GPR158: variants seen among roughly 807,000 people sequenced by gnomAD.
GPR158 encodes metabotropic glycine receptor.
A neutral mutation model predicts 78.2 loss-of-function variants in GPR158; 30 were observed. The ratio of observed to expected loss-of-function variants is 0.38; its 90% CI spans 0.29 to 0.52. The LOEUF is 0.52. Among genes scored for constraint, GPR158 ranks in the 20% least tolerant of loss-of-function variants. GPR158 has a pLI of 0.83. For synonymous variants in GPR158, 581 were observed against 591.1 expected (o/e 0.98, Z 0.25); for missense variants, 1,463 against 1,523.5 (o/e 0.96, Z 0.66).
In GPR158 at chr10:25,478,698, G is replaced by A. The variant is rs192530314; in HGVS notation, c.1404+11979G>A. 2.0e-5 allele frequency among the ~76,000 whole-genome samples: 3 copies of A among 151,796 alleles called. No homozygotes were observed. In the East Asian group the frequency reaches 5.8e-4, roughly 29 times the overall value. On this transcript the variant is annotated intron_variant, in intron 5 of 10. Coordinates refer to ENST00000376351, the MANE Select transcript of GPR158 (RefSeq NM_020752.3). ...CTAGGGTACATGTGCACAGTGTGCAGGTTTGTTACGTATATATACATGTGC... is the reference window on the plus strand; with the variant it reads ...CTAGGGTACATGTGCACAGTGTGCAAGTTTGTTACGTATATATACATGTGC...
chr10:25,252,403 C>T (rs372581598), intron 2 of GPR158, among the ~76,000 whole-genome samples: 4 of 152,254 alleles, frequency 2.6e-5, no homozygotes, highest in East Asian at 3.9e-4. Context: ...ATTTTTAGAG[C>T]TTCCAGTTTT....
At chr10:25,556,768 C>T (rs1836791795) in intron 6 of GPR158, among the ~76,000 whole-genome samples, 1 of 152,166 alleles carries the variant, frequency 6.6e-6, no homozygotes. Flanking sequence ...CTCATACACC[C>T]ACGCTTCAGA....
At chr10:25,372,273 G>T (rs1190661560) in intron 2 of GPR158, among the ~76,000 whole-genome samples, 1 of 151,948 alleles carries the variant, frequency 6.6e-6, no homozygotes, top group East Asian at 1.9e-4. Flanking sequence ...CTATAAACTG[G>T]TTCAACCATT....
At chr10:25,530,693 G>A (rs746338223) in intron 5 of GPR158, among the ~76,000 whole-genome samples, 5 of 152,224 alleles carry the variant, frequency 3.3e-5, no homozygotes, top group Admixed American at 1.3e-4. Flanking sequence ...CAATCTTGAT[G>A]TGATAACACT....
chr10:25,555,545 T>C (rs1211850545), intron 6 of GPR158, among the ~76,000 whole-genome samples: 1 of 152,202 alleles, frequency 6.6e-6, no homozygotes, highest in Non-Finnish European at 1.5e-5. Flanking sequence ...CAATTTTCTT[T>C]TACAGAAACT....
At chr10:25,282,874 A>G (rs766104831) in intron 2 of GPR158, among the ~76,000 whole-genome samples, 5 of 151,962 alleles carry the variant, frequency 3.3e-5, no homozygotes, top group Non-Finnish European at 5.9e-5. Flanking sequence ...AAATATTCTT[A>G]TTTGTGATAT....
At chr10:25,554,963 C>G (rs1454266569) in intron 6 of GPR158, among the ~76,000 whole-genome samples, 2 of 150,608 alleles carry the variant, frequency 1.3e-5, no homozygotes, top group African/African-American at 4.9e-5. Context: ...TGGCAAGCCA[C>G]TGATGTGGTG....
Position 25,338,973 on chromosome 10 carries a change from A to G in GPR158, c.1009-56938A>G, listed in dbSNP as rs369989962. Among the ~76,000 whole-genome samples the G allele has an allele frequency of 4.8e-5, 7 of 145,900 alleles. No individual in the cohort carries two copies. In the East Asian group the frequency reaches 1.2e-3, roughly 25 times the overall value. ...CTGTTAAAGGTCCTACACATATTTT[A>G]CCCTGTTAAATTTATTTCTAAGTTA... On this transcript the variant is annotated intron_variant, in intron 2 of 10. Coordinates refer to ENST00000376351, the MANE Select transcript of GPR158 (RefSeq NM_020752.3).
At chr10:25,182,839 T>C (rs1313658333) in intron 1 of GPR158, among the ~76,000 whole-genome samples, 1 of 152,244 alleles carries the variant, frequency 6.6e-6, no homozygotes, top group East Asian at 1.9e-4. Context: ...GGCTGTTTTC[T>C]CTGTTCAGTG....
In GPR158 at chr10:25,572,836, C is replaced by T. The variant is rs759285919; in HGVS notation, c.1702C>T (p.Leu568Phe). ...LIGQGKTSDHLIFNMCLIDRW... is the reference protein window; with the variant it reads ...LIGQGKTSDHFIFNMCLIDRW... Reference sequence around the variant, plus strand: ...TGGCCAGGGGAAAACATCCGATCACCTCATCTTCAATATGTGCCTCATTGA... The same window carrying T: ...TGGCCAGGGGAAAACATCCGATCACTTCATCTTCAATATGTGCCTCATTGA... Residue 568 changes from leucine to phenylalanine, a missense_variant, in exon 7 of 11, where the codon CTC becomes TTC. By Grantham distance (22) the Leu-to-Phe change is conservative (BLOSUM62 0). Coordinates refer to ENST00000376351, the MANE Select transcript of GPR158 (RefSeq NM_020752.3). 5 of 1,613,658 alleles carry T rather than the reference C, an allele frequency of 3.1e-6. 1 individual carries two copies. Among genetic ancestry groups the T allele is most frequent in the Non-Finnish European group, 4.2e-6 (5 of 1,179,600 alleles).
At chr10:25,305,897 A>T (rs7101138) in intron 2 of GPR158, among the ~76,000 whole-genome samples, 1 of 152,024 alleles carries the variant, frequency 6.6e-6, no homozygotes, top group African/African-American at 2.4e-5. Flanking sequence ...TTTTTGGTTT[A>T]AGTTTGTGGC....
At chr10:25,456,476 T>C (rs184120893) in intron 4 of GPR158, among the ~76,000 whole-genome samples, 4 of 152,342 alleles carry the variant, frequency 2.6e-5, no homozygotes, top group African/African-American at 9.6e-5. Flanking sequence ...CTCTTCCTAT[T>C]ACGACATTTT....
At chr10:25,302,046 G>A (rs1393391011) in intron 2 of GPR158, among the ~76,000 whole-genome samples, 3 of 150,070 alleles carry the variant, frequency 2.0e-5, no homozygotes, top group Non-Finnish European at 3.0e-5. Flanking sequence ...TCTGTTTATC[G>A]CATCTATCAG....
chr10:25,465,872 C>A (rs1350537417), intron 4 of GPR158, among the ~76,000 whole-genome samples: 1 of 152,150 alleles, frequency 6.6e-6, no homozygotes, highest in Non-Finnish European at 1.5e-5. Flanking sequence ...AAGTGAGGGA[C>A]TAAGTGGCTA....
intron 5 of GPR158, among the ~76,000 whole-genome samples, chr10:25,521,237 C>G (rs1190284645): frequency 6.6e-6 from 1 of 152,204 alleles, no homozygotes; most frequent in African/African-American, 2.4e-5. Context: ...GCACGGTGCA[C>G]GCACCCACTG....
rs954720502 is a variant in GPR158 at position 25,241,990 on chromosome 10, A to T, written c.1008+20833A>T. On this transcript the variant is annotated intron_variant, in intron 2 of 10. Transcript: ENST00000376351. ...CCTATTCCCCGTATCTACTTAACAA[A>T]TGTTGGCTAAGTGAGTAAATGAATG... is the stretch of plus-strand genomic sequence containing the variant. 4.3e-4 allele frequency among the ~76,000 whole-genome samples: 65 copies of T among 152,240 alleles called. 1 individual carries two copies. The highest frequency in any genetic ancestry group is 1.5e-3 in the African/African-American group (62 of 41,466).
At chr10:25,416,978 T>G (rs1834671566) in intron 4 of GPR158, among the ~76,000 whole-genome samples, 1 of 152,010 alleles carries the variant, frequency 6.6e-6, no homozygotes, top group African/African-American at 2.4e-5. Context: ...TCTCACCCAG[T>G]GCCAGCAGGA....
intron 2 of GPR158, among the ~76,000 whole-genome samples, chr10:25,347,757 CAGA>C (rs1221761935): frequency 6.6e-6 from 1 of 151,974 alleles, no homozygotes; most frequent in East Asian, 1.9e-4. Flanking sequence ...TTGAACTTTT[CAGA>C]AGAATTACAG....
chr10:25,589,318 T>C (rs1445960875), intron 8 of GPR158, among the ~76,000 whole-genome samples, 173 bp downstream of exon 8: 2 of 152,250 alleles, frequency 1.3e-5, no homozygotes, highest in Admixed American at 6.5e-5. Flanking sequence ...TTTAAAGCTG[T>C]TGTTCTTAGT....
Sources: allele counts gnomAD v4.1 joint callset (sites outside exome capture counted in the v4.1 genomes callset), GRCh38; gene constraint gnomAD v4.1.1; transcripts MANE v1.5; gene names NCBI Gene and HGNC (gene_info 2026-07-23, HGNC 2026-07-21).